The following C8orf34 variants were observed in gnomAD, a reference collection of about 807,000 sequenced individuals.
C8orf34 encodes the protein uncharacterized protein C8orf34.
A neutral mutation model predicts 68.3 loss-of-function variants in C8orf34; 65 were observed. The observed-to-expected ratio is 0.95, with a 90% CI of 0.78 to 1.17. C8orf34 has a LOEUF of 1.17. Among genes scored for constraint, C8orf34 ranks in the 50% most tolerant of loss-of-function variants. C8orf34 has a pLI of 0.00. For synonymous variants in C8orf34, 244 were observed against 241.2 expected (o/e 1.01, Z -0.11); for missense variants, 664 against 655.4 (o/e 1.01, Z -0.14).
chr8:68,376,135 T>G (rs1481660158), intron 1 of C8orf34, among the ~76,000 whole-genome samples: 1 of 149,944 alleles, frequency 6.7e-6, no homozygotes, highest in Non-Finnish European at 1.5e-5. Context: ...ATGTATTTGT[T>G]GTATGAGTGA....
At chr8:68,553,951 G>A (rs1331937958) in intron 7 of C8orf34, among the ~76,000 whole-genome samples, 2 of 151,858 alleles carry the variant, frequency 1.3e-5, no homozygotes, top group African/African-American at 2.4e-5. Context: ...ATAATGAGGG[G>A]AATTCAAATT....
chr8:68,569,478 C>T (rs573720823), intron 7 of C8orf34, among the ~76,000 whole-genome samples: 45 of 151,232 alleles, frequency 3.0e-4, no homozygotes, highest in Non-Finnish European at 5.1e-4. Context: ...CATTGATGCC[C>T]GGGACTCCCA....
At chr8:68,533,352 A>G in intron 7 of C8orf34, 1 of 1,310,970 alleles carries the variant, frequency 7.6e-7, no homozygotes, top group South Asian at 2.3e-5. Flanking sequence ...AATATTTATT[A>G]GACTGTATTT....
chr8:68,676,736 A>T (rs1325561034), intron 8 of C8orf34, among the ~76,000 whole-genome samples: 1 of 152,202 alleles, frequency 6.6e-6, no homozygotes, highest in East Asian at 1.9e-4. Flanking sequence ...GTTCGTTTTC[A>T]TGCTGCTGAT....
At chr8:68,408,216 T>A (rs2591016) in intron 1 of C8orf34, among the ~76,000 whole-genome samples, 81,802 of 151,138 alleles carry the variant, frequency 0.54, 22,553 homozygotes, top group Non-Finnish European at 0.61. Context: ...GAGAATCTAA[T>A]GCCTGATGAT....
At chr8:68,739,202 C>T (rs976062328) in intron 10 of C8orf34, among the ~76,000 whole-genome samples, 1 of 152,062 alleles carries the variant, frequency 6.6e-6, no homozygotes, top group Non-Finnish European at 1.5e-5. Context: ...ACATGATTAT[C>T]TCAATAGATA....
At chr8:68,737,954 C>A (rs1475968482) in intron 10 of C8orf34, among the ~76,000 whole-genome samples, 17 of 152,082 alleles carry the variant, frequency 1.1e-4, no homozygotes, top group Admixed American at 1.0e-3. Flanking sequence ...ACTCTCCATC[C>A]CAAAACAACA....
At chr8:68,662,101 C>A (rs6982710) in intron 8 of C8orf34, among the ~76,000 whole-genome samples, 77,200 of 151,840 alleles carry the variant, frequency 0.51, 20,535 homozygotes, top group African/African-American at 0.67. Flanking sequence ...GAGCTGCAGA[C>A]AGGAATAGGG....
chr8:68,495,090 G>A (rs1813472115), intron 5 of C8orf34, among the ~76,000 whole-genome samples: 2 of 151,682 alleles, frequency 1.3e-5, no homozygotes, highest in African/African-American at 4.8e-5. Flanking sequence ...GCGAAGTACA[G>A]GACAGTCCTC....
At chr8:68,754,264 C>A (rs916912799) in intron 10 of C8orf34, among the ~76,000 whole-genome samples, 1 of 152,056 alleles carries the variant, frequency 6.6e-6, no homozygotes, top group Non-Finnish European at 1.5e-5. Context: ...AAAGTAAAAT[C>A]CTGAAAAAGT....
chr8:68,386,666 A>T (rs1359007532), intron 1 of C8orf34, among the ~76,000 whole-genome samples: 1 of 151,978 alleles, frequency 6.6e-6, no homozygotes, highest in Non-Finnish European at 1.5e-5. Flanking sequence ...ATATTAAGGG[A>T]TTTTCTTCTT....
intron 8 of C8orf34, among the ~76,000 whole-genome samples, chr8:68,672,959 G>A (rs1045536690): frequency 1.3e-5 from 2 of 149,086 alleles, no homozygotes; most frequent in African/African-American, 2.5e-5. Context: ...GCATTGGGTA[G>A]GGTTTTGAGG....
At chr8:68,432,045 G>A (rs1391328497) in intron 1 of C8orf34, among the ~76,000 whole-genome samples, 1 of 152,034 alleles carries the variant, frequency 6.6e-6, no homozygotes, top group Non-Finnish European at 1.5e-5. Context: ...AATCAGGAAT[G>A]CAAAAGATCT....
intron 5 of C8orf34, among the ~76,000 whole-genome samples, chr8:68,509,187 G>C (rs1205014553): frequency 6.6e-6 from 1 of 152,154 alleles, no homozygotes; most frequent in Non-Finnish European, 1.5e-5. Context: ...GGGGAAAATG[G>C]CAGTGAGAGC....
chr8:68,377,668 A>G (rs1807861740), intron 1 of C8orf34, among the ~76,000 whole-genome samples: 2 of 152,228 alleles, frequency 1.3e-5, no homozygotes, highest in East Asian at 3.9e-4. Context: ...CAATTTAACA[A>G]AAGTTTTTTT....
At chr8:68,733,540 A>G (rs1242641741) in intron 10 of C8orf34, among the ~76,000 whole-genome samples, 2 of 152,112 alleles carry the variant, frequency 1.3e-5, no homozygotes, top group African/African-American at 4.8e-5. Flanking sequence ...TCATACAATA[A>G]CTAGCTGTTC....
chr8:68,663,692 A>T (rs1694328357), intron 8 of C8orf34, among the ~76,000 whole-genome samples: 1 of 152,194 alleles, frequency 6.6e-6, no homozygotes, highest in Admixed American at 6.5e-5. Context: ...TTGTGAGAGC[A>T]GATAATTGAA....
chr8:68,382,346 T>C (rs1808078825), intron 1 of C8orf34, among the ~76,000 whole-genome samples: 1 of 152,076 alleles, frequency 6.6e-6, no homozygotes, highest in Admixed American at 6.5e-5. Context: ...TGCTTTTTTC[T>C]CTGTATTTTT....
At chr8:68,595,573 T>C (rs1817524630) in intron 7 of C8orf34, among the ~76,000 whole-genome samples, 1 of 152,084 alleles carries the variant, frequency 6.6e-6, no homozygotes, top group Non-Finnish European at 1.5e-5. Context: ...TTCTTTCTTT[T>C]AATCCATTCT....
Sources: allele counts gnomAD v4.1 joint callset (sites outside exome capture counted in the v4.1 genomes callset), GRCh38; gene constraint gnomAD v4.1.1; transcripts MANE v1.5; gene names NCBI Gene and HGNC (gene_info 2026-07-23, HGNC 2026-07-21).